CDKN2B-AS1: variants seen among roughly 807,000 people sequenced by gnomAD.
CDKN2B-AS1 encodes the protein CDKN2B antisense RNA 1 (non-protein coding).
rs890633779 is a variant in CDKN2B-AS1 at position 21,995,812 on chromosome 9, C to T, written n.29+651C>T. On this transcript the variant is annotated intron_variant and non_coding_transcript_variant, in intron 1 of 4. Coordinates refer to ENST00000650946, the Ensembl canonical transcript of CDKN2B-AS1. This position sits in a 1 kb window ranked among gnomAD's most constrained non-coding sequence, Gnocchi z 5.7. ...GGCTCTCCGCGCGCGGGAAGTCGAG[C>T]CCAGGACGCCGCCTTCAGGCCGGCG... The T allele has an allele frequency of 2.0e-5, 3 of 152,286 alleles. No homozygotes were observed. Among genetic ancestry groups the T allele is most frequent in the Non-Finnish European group, 2.9e-5 (2 of 68,102 alleles). 9.4% of individuals were successfully genotyped at this position (152,286 alleles called of 1,614,324 possible).
intron 1 of CDKN2B-AS1, chr9:22,009,403 G>A: frequency 3.2e-6 from 1 of 309,540 alleles, no homozygotes. Flanking sequence ...TGTGATCGCC[G>A]GGAGGCCAGG....
intron 1 of CDKN2B-AS1, chr9:22,030,476 T>A (rs1458162290): frequency 6.6e-6 from 1 of 152,148 alleles, no homozygotes; most frequent in Non-Finnish European, 1.5e-5. Flanking sequence ...GCCCTGGTGT[T>A]GAAAAATTTT....
At chr9:22,043,423 CAG>C (rs1822981954) in intron 1 of CDKN2B-AS1, among the ~76,000 whole-genome samples, 1 of 151,956 alleles carries the variant, frequency 6.6e-6, no homozygotes, top group African/African-American at 2.4e-5. Context: ...CACACACACA[CAG>C]ACACACATGC....
At chr9:22,049,836 TGGCC>T (rs1823267961) in intron 3 of CDKN2B-AS1, among the ~76,000 whole-genome samples, 1 of 152,214 alleles carries the variant, frequency 6.6e-6, no homozygotes, top group African/African-American at 2.4e-5. Flanking sequence ...TTTCATAGAT[TGGCC>T]AGCATATAGT....
intron 4 of CDKN2B-AS1, chr9:22,062,169 C>G (rs150985752): frequency 6.6e-6 from 1 of 152,322 alleles, no homozygotes; most frequent in Non-Finnish European, 1.5e-5. Flanking sequence ...TCTCTGCTGG[C>G]TCCCTATCAG....
chr9:22,070,878 A>G (rs754231248), intron 4 of CDKN2B-AS1, among the ~76,000 whole-genome samples: 1 of 152,176 alleles, frequency 6.6e-6, no homozygotes, highest in Non-Finnish European at 1.5e-5. Context: ...CAGCATAGTT[A>G]TTGATTTTGC....
rs3217991 is a variant in CDKN2B-AS1 at position 22,003,299 on chromosome 9, C to CAA, written n.29+8145_29+8146dup. 1.1e-3 allele frequency: 249 copies of CAA among 217,172 alleles called. 3 individuals carry two copies. Among genetic ancestry groups the CAA allele is most frequent in the East Asian group, 1.7e-3 (24 of 14,238 alleles). The allele number at this position is 217,172 out of a possible 1,614,324, so 13.5% of individuals were successfully genotyped here. On this transcript the variant is annotated intron_variant and non_coding_transcript_variant, in intron 1 of 4. Coordinates refer to ENST00000650946, the Ensembl canonical transcript of CDKN2B-AS1. ...AAATAAAAAAAACTAACAAAACAAA[C>CAA]AAAAAAAACAGTGTAATATAGTACT...
chr9:22,055,230 C>T (rs1823510080), intron 3 of CDKN2B-AS1, among the ~76,000 whole-genome samples: 1 of 152,062 alleles, frequency 6.6e-6, no homozygotes, highest in East Asian at 1.9e-4. Context: ...TTAAATCAAA[C>T]TAAGATATCT....
At chr9:22,016,823 T>A (rs1170977592) in intron 1 of CDKN2B-AS1, among the ~76,000 whole-genome samples, 1 of 152,232 alleles carries the variant, frequency 6.6e-6, no homozygotes, top group African/African-American at 2.4e-5. Context: ...AGTCGTAGCA[T>A]CTTTCAAAGG....
At chr9:22,072,525 A>AGTTTTG (rs1824337832) in intron 4 of CDKN2B-AS1, among the ~76,000 whole-genome samples, 1 of 152,238 alleles carries the variant, frequency 6.6e-6, no homozygotes, top group African/African-American at 2.4e-5. Context: ...AGCTTAAGCT[A>AGTTTTG]TCTAAGCCTT....
Position 22,006,566 on chromosome 9 carries a change from T to A in CDKN2B-AS1, n.29+11405T>A, listed in dbSNP as rs1480772850. ...CTTGATTTCCATTGGAACATGGGAA[T>A]CTATTTTGTTAAATGATTTAGGGGC... is the stretch of plus-strand genomic sequence containing the variant. On this transcript the variant is annotated intron_variant and non_coding_transcript_variant, in intron 1 of 4. Coordinates refer to ENST00000650946, the Ensembl canonical transcript of CDKN2B-AS1. This position sits in a 1 kb window ranked among gnomAD's most constrained non-coding sequence, Gnocchi z 6.4. Among the ~76,000 whole-genome samples the A allele has an allele frequency of 6.6e-6, 1 of 152,214 alleles. No individual in the cohort carries two copies. The highest frequency in any genetic ancestry group is 1.5e-5 in the Non-Finnish European group (1 of 68,030).
chr9:22,042,654 T>C (rs1822944049), intron 1 of CDKN2B-AS1, among the ~76,000 whole-genome samples: 1 of 152,108 alleles, frequency 6.6e-6, no homozygotes, highest in South Asian at 2.1e-4. Flanking sequence ...TGTCTTTGGA[T>C]GTCTTCAGAA....
At chr9:22,080,411 C>G (rs1233435264) in intron 4 of CDKN2B-AS1, among the ~76,000 whole-genome samples, 1 of 152,232 alleles carries the variant, frequency 6.6e-6, no homozygotes, top group Non-Finnish European at 1.5e-5. Flanking sequence ...AGATTCTGAG[C>G]TATCATTGGC....
intron 4 of CDKN2B-AS1, among the ~76,000 whole-genome samples, chr9:22,081,176 A>C (rs543592722): frequency 1.3e-4 from 19 of 151,908 alleles, no homozygotes; most frequent in Non-Finnish European, 2.6e-4. Context: ...TGAAGTTGTC[A>C]TGTACATTTT....
chr9:22,029,124 C>G lies in CDKN2B-AS1; in HGVS notation n.30-17627C>G, dbSNP rs575476446. Among the ~76,000 whole-genome samples the G allele has an allele frequency of 2.0e-5, 3 of 152,060 alleles. No homozygotes were observed. The South Asian group carries it at 6.2e-4, about 32-fold the overall frequency. ...CTAGAAGAATAGCAGCTAATATACA[C>G]AGAACGAATCTTAGAATTAGAAAAT... On this transcript the variant is annotated intron_variant and non_coding_transcript_variant, in intron 1 of 4. Transcript: ENST00000650946.
chr9:22,104,316 C>A (rs1436946644), intron 4 of CDKN2B-AS1, among the ~76,000 whole-genome samples: 1 of 152,140 alleles, frequency 6.6e-6, no homozygotes, highest in African/African-American at 2.4e-5. Context: ...GCAAAGGAAA[C>A]CTGTAGCTAG....
Position 22,105,756 on chromosome 9 carries a change from A to C in CDKN2B-AS1, n.439-21347A>C, listed in dbSNP as rs137926563. Among the ~76,000 whole-genome samples the C allele has an allele frequency of 9.3e-4, 141 of 152,328 alleles. 1 individual carries two copies. The highest frequency in any genetic ancestry group is 3.2e-3 in the African/African-American group (132 of 41,584). Reference sequence around the variant, plus strand: ...CCTGAAAAAGCATGTGGGCCCAGAAATACTGTTGTGGCAATTTTTTGAAAA... The same window carrying C: ...CCTGAAAAAGCATGTGGGCCCAGAACTACTGTTGTGGCAATTTTTTGAAAA... On this transcript the variant is annotated intron_variant and non_coding_transcript_variant, in intron 4 of 4. Transcript: ENST00000650946.
At chr9:22,008,770 G>T in intron 1 of CDKN2B-AS1, 1 of 1,608,954 alleles carries the variant, frequency 6.2e-7, no homozygotes, top group Non-Finnish European at 8.5e-7. Flanking sequence ...CGCGCCCCCT[G>T]CCGGCGAGGC....
At chr9:22,071,839 ATTAC>A (rs763142682) in intron 4 of CDKN2B-AS1, among the ~76,000 whole-genome samples, 21 of 152,318 alleles carry the variant, frequency 1.4e-4, no homozygotes, top group South Asian at 6.2e-4. Context: ...TCTAGTCAGT[ATTAC>A]TTACTTACTT....
Sources: allele counts gnomAD v4.1 joint callset (sites outside exome capture counted in the v4.1 genomes callset), GRCh38; gene constraint gnomAD v4.1.1; non-coding constraint Gnocchi (gnomAD v3.1); transcripts MANE v1.5; gene names NCBI Gene and HGNC (gene_info 2026-07-23, HGNC 2026-07-21).